The following ERBB4 variants were observed in gnomAD, a reference collection of about 807,000 sequenced individuals.
ERBB4 encodes receptor tyrosine-protein kinase erbB-4.
ERBB4 carries 42 observed loss-of-function variants against 158.0 expected under a neutral mutation model. The observed-to-expected ratio is 0.27, with a 90% CI of 0.21 to 0.34. ERBB4 has a LOEUF of 0.34. Among genes scored for constraint, ERBB4 ranks in the 10% least tolerant of loss-of-function variants. The pLI is 1.00. For missense variants in ERBB4, 1,333 were observed against 1,624.1 expected (o/e 0.82, Z 3.08); for synonymous variants, 583 against 558.7 (o/e 1.04, Z -0.61).
At chr2:211,835,228 C>G (rs570156731) in intron 3 of ERBB4, among the ~76,000 whole-genome samples, 1 of 152,032 alleles carries the variant, frequency 6.6e-6, no homozygotes, top group African/African-American at 2.4e-5. Context: ...TCAAAAGTTA[C>G]GCAAAGTAAC....
intron 1 of ERBB4, among the ~76,000 whole-genome samples, chr2:212,327,757 G>A (rs73068293): frequency 8.2e-6 from 1 of 121,760 alleles, no homozygotes; most frequent in African/African-American, 3.1e-5. Context: ...GGAGAGAAAC[G>A]TTCTAAAATT....
At chr2:211,664,164 G>C (rs574502370) in intron 15 of ERBB4, among the ~76,000 whole-genome samples, 57 of 152,302 alleles carry the variant, frequency 3.7e-4, no homozygotes, top group African/African-American at 1.3e-3. Context: ...GGAAATTGTA[G>C]CAACATCTGC....
At chr2:212,356,484 TCCC>T (rs1281218475) in intron 1 of ERBB4, among the ~76,000 whole-genome samples, 2 of 151,972 alleles carry the variant, frequency 1.3e-5, no homozygotes, top group Non-Finnish European at 2.9e-5. Flanking sequence ...CTCCTCCTCC[TCCC>T]AATGGCAAAT....
At chr2:211,388,090 A>C in intron 25 of ERBB4, 98 bp from the exon 26 acceptor site, 1 of 904,724 alleles carries the variant, frequency 1.1e-6, no homozygotes, top group Non-Finnish European at 1.8e-6. Context: ...CATGGGTCGT[A>C]TGAACCAAAG....
At chr2:211,569,742 C>T (rs2067658672) in intron 19 of ERBB4, among the ~76,000 whole-genome samples, 1 of 152,128 alleles carries the variant, frequency 6.6e-6, no homozygotes, top group South Asian at 2.1e-4. Context: ...TGGAATTTAG[C>T]AAGGGCTCTA....
chr2:212,377,966 A>T (rs562053012), intron 1 of ERBB4, among the ~76,000 whole-genome samples: 3 of 150,504 alleles, frequency 2.0e-5, no homozygotes, highest in Admixed American at 6.7e-5. Flanking sequence ...TTATCTTTTA[A>T]TTTTTTTTTG....
intron 1 of ERBB4, among the ~76,000 whole-genome samples, chr2:212,495,166 C>A (rs116285054): frequency 6.6e-6 from 1 of 152,094 alleles, no homozygotes; most frequent in Non-Finnish European, 1.5e-5. Context: ...TTACTTATTT[C>A]TATTGTTATT....
In ERBB4 at chr2:211,965,951, C is replaced by G. The variant is rs139815011; in HGVS notation, c.235-18335G>C. 2.8e-3 allele frequency among the ~76,000 whole-genome samples: 431 copies of G among 152,292 alleles called. 1 individual carries two copies. The highest frequency in any genetic ancestry group is 0.01 in the Middle Eastern group (3 of 294). ...ATATGGTTGGGCACAGAGAATCATGCCTGTAATCCCAGCACTTTGGGAGGC... is the reference window on the plus strand; with the variant it reads ...ATATGGTTGGGCACAGAGAATCATGGCTGTAATCCCAGCACTTTGGGAGGC... On this transcript the variant is annotated intron_variant, in intron 2 of 27. Transcript: ENST00000342788.
At chr2:211,765,239 T>C (rs1217754170) in intron 4 of ERBB4, among the ~76,000 whole-genome samples, 3 of 152,212 alleles carry the variant, frequency 2.0e-5, no homozygotes, top group Middle Eastern at 6.8e-3. Context: ...GCTCAGACAC[T>C]AGGCTACCTT....
At chr2:212,346,007 T>C (rs148372656) in intron 1 of ERBB4, among the ~76,000 whole-genome samples, 8 of 152,312 alleles carry the variant, frequency 5.3e-5, no homozygotes, top group Non-Finnish European at 1.0e-4. Flanking sequence ...AAAATGCATA[T>C]TCTATCAGAA....
chr2:212,012,257 T>C (rs1359950615), intron 2 of ERBB4, among the ~76,000 whole-genome samples: 4 of 152,284 alleles, frequency 2.6e-5, no homozygotes, highest in Admixed American at 1.3e-4. Context: ...TGTACATTTT[T>C]CCCTCAAACA....
intron 1 of ERBB4, among the ~76,000 whole-genome samples, chr2:212,358,167 A>T (rs1185754506): frequency 6.6e-6 from 1 of 151,894 alleles, no homozygotes; most frequent in East Asian, 1.9e-4. Context: ...ATTTTTTTAA[A>T]AAGAACTATT....
At chr2:212,416,295 C>T (rs1367156894) in intron 1 of ERBB4, among the ~76,000 whole-genome samples, 3 of 152,092 alleles carry the variant, frequency 2.0e-5, no homozygotes, top group South Asian at 2.1e-4. Context: ...TTAAGATACA[C>T]ATCAAGCCCT....
chr2:211,495,292 A>G (rs1294631845), intron 20 of ERBB4, among the ~76,000 whole-genome samples: 1 of 152,098 alleles, frequency 6.6e-6, no homozygotes, highest in Non-Finnish European at 1.5e-5. Context: ...GAAAAATCAT[A>G]TCAAAATAAT....
chr2:211,706,395 T>TC (rs1265685087), intron 9 of ERBB4, among the ~76,000 whole-genome samples: 1 of 152,086 alleles, frequency 6.6e-6, no homozygotes, highest in African/African-American at 2.4e-5. Context: ...TGTTCCACAA[T>TC]CCCCTGACAA....
chr2:212,181,072 C>T (rs930222217), intron 1 of ERBB4, among the ~76,000 whole-genome samples: 3 of 151,620 alleles, frequency 2.0e-5, no homozygotes, highest in Admixed American at 1.3e-4. Context: ...ACTGAGACCC[C>T]AGATGGTTAA....
intron 1 of ERBB4, among the ~76,000 whole-genome samples, chr2:212,440,680 C>T (rs1000196196): frequency 6.6e-6 from 1 of 152,102 alleles, no homozygotes; most frequent in Non-Finnish European, 1.5e-5. Flanking sequence ...TCCTTCTAAT[C>T]ATATGGAGAA....
At chr2:211,664,965 G>C (rs890785666) in intron 15 of ERBB4, among the ~76,000 whole-genome samples, 1 of 152,072 alleles carries the variant, frequency 6.6e-6, no homozygotes, top group Non-Finnish European at 1.5e-5. Context: ...TTCCTTTAAA[G>C]ATTTGATAAA....
chr2:211,919,130 A>G (rs912797637), intron 3 of ERBB4, among the ~76,000 whole-genome samples: 4 of 152,182 alleles, frequency 2.6e-5, no homozygotes, highest in African/African-American at 9.6e-5. Flanking sequence ...AATAGCTTTA[A>G]CTGGTTCTGT....
Sources: allele counts gnomAD v4.1 joint callset (sites outside exome capture counted in the v4.1 genomes callset), GRCh38; gene constraint gnomAD v4.1.1; transcripts MANE v1.5; gene names NCBI Gene and HGNC (gene_info 2026-07-23, HGNC 2026-07-21).